PIF1: variants seen among roughly 807,000 people sequenced by gnomAD.
PIF1 encodes PIF1 5'-to-3' DNA helicase.
Under a neutral mutation model 62.3 loss-of-function variants are expected in PIF1, and 67 were observed. The ratio of observed to expected loss-of-function variants is 1.08; its 90% confidence interval spans 0.88 to 1.32. The LOEUF is 1.32. Among genes scored for constraint, PIF1 ranks in the 40% most tolerant of loss-of-function variants. The pLI is 0.00. For missense variants in PIF1, 886 were observed against 866.1 expected (o/e 1.02, Z -0.29); for synonymous variants, 364 against 379.5 (o/e 0.96, Z 0.47).
Position 64,815,692 on chromosome 15 carries a change from C to G in PIF1, c.*606G>C, listed in dbSNP as rs1201572505. On this transcript the variant is annotated 3_prime_UTR_variant, in exon 13 of 13. Transcript: ENST00000559239. ...AAATACAACCTGAGAACATCCATTT[C>G]AATGTCCCCAAACACTATTTATCCC... 6.5e-7 allele frequency: 1 copy of G among 1,545,642 alleles called. No individual in the cohort carries two copies. Among genetic ancestry groups the G allele is most frequent in the Admixed American group, 2.0e-5 (1 of 49,974 alleles).
chr15:64,826,707 CA>C (rs1567090408), upstream of PIF1, among the ~76,000 whole-genome samples: 1 of 139,946 alleles, frequency 7.1e-6, no homozygotes, highest in African/African-American at 2.7e-5. Flanking sequence ...TATATACACA[CA>C]CATATATATA....
At chr15:64,824,881 G>GTA (rs1355544236) in intron 1 of PIF1, among the ~76,000 whole-genome samples, 6,684 of 146,824 alleles carry the variant, frequency 0.046, 481 homozygotes, top group South Asian at 0.17. Context: ...GTGTGTGTGT[G>GTA]TGTATATATA....
rs747322869 is a variant in PIF1 at position 64,817,937 on chromosome 15, G to T, written c.1674+9C>A. On this transcript the variant is annotated intron_variant, in intron 11 of 12. Transcript: ENST00000559239. Reference sequence around the variant, plus strand: ...CCTCCCTGTCCCTGCCCCCCACACCGGTGCTCACTTGGCTCTTGTGGATGG... The same window carrying T: ...CCTCCCTGTCCCTGCCCCCCACACCTGTGCTCACTTGGCTCTTGTGGATGG... 20 of 1,606,540 alleles carry T rather than the reference G, an allele frequency of 1.2e-5. No individual in the cohort carries two copies. The highest frequency in any genetic ancestry group is 1.6e-5 in the Non-Finnish European group (19 of 1,176,552).
At chr15:64,825,519 G>C (rs977853475) in intron 1 of PIF1, 50 bp downstream of exon 1, 1 of 152,030 alleles carries the variant, frequency 6.6e-6, no homozygotes, top group African/African-American at 2.4e-5. Context: ...CCATTTGTTT[G>C]CACCCTCCCG....
At position 64,824,055 on chromosome 15, in the gene PIF1, T is replaced by A; in HGVS notation, c.281A>T (p.Asp94Val). The A allele has an allele frequency of 7.9e-7, 1 of 1,263,392 alleles. No homozygotes were observed. Among genetic ancestry groups the A allele is most frequent in the Non-Finnish European group, 9.9e-7 (1 of 1,005,896 alleles). 78.3% of individuals were successfully genotyped at this position (1,263,392 alleles called of 1,614,324 possible). ...GRSTLRLPAH[D>V]TPGAGAVQLL... is the part of the protein sequence containing the mutation. ...CTGCACTGCGCCGGCCCCGGGGGTG[T>A]CGTGGGCGGGGAGCCGCAGGGTGCT... Residue 94 changes from aspartate to valine, a missense_variant, in exon 2 of 13, where the codon GAC becomes GTC. By Grantham distance (152) the Asp-to-Val change is radical. Transcript: ENST00000559239.
chr15:64,820,971 G>A lies in PIF1; in HGVS notation c.1193+11C>T. On this transcript the variant is annotated intron_variant, in intron 7 of 12. Coordinates refer to ENST00000559239, the MANE Select transcript of PIF1 (RefSeq NM_001286496.2). Reference sequence around the variant, plus strand: ...CATCCCATAGCCCCTTCCCCAACCAGCAGAGCTCACCTGCCTAGCCTCACG... The same window carrying A: ...CATCCCATAGCCCCTTCCCCAACCAACAGAGCTCACCTGCCTAGCCTCACG... 6.2e-7 allele frequency: 1 copy of A among 1,611,356 alleles called. No individual in the cohort carries two copies. Among genetic ancestry groups the A allele is most frequent in the Non-Finnish European group, 8.5e-7 (1 of 1,178,096 alleles).
rs369779080 is a variant in PIF1, at chr15:64,818,379, C to A, written c.1441-35G>T. ...AGAGAGAGGAATGGACAGCAGCCCC[C>A]CTACCCATGCCTGGTCTTAGCTTCG... is the stretch of plus-strand genomic sequence containing the variant. On this transcript the variant is annotated intron_variant, in intron 9 of 12. Coordinates refer to ENST00000559239, the MANE Select transcript of PIF1 (RefSeq NM_001286496.2). The A allele has an allele frequency of 5.0e-6, 8 of 1,598,522 alleles. No homozygotes were observed. The Admixed American group carries it at 6.7e-5, about 13-fold the overall frequency.
In PIF1 at chr15:64,816,153, C is replaced by G; in HGVS notation, c.*145G>C. 6.7e-7 allele frequency: 1 copy of G among 1,496,092 alleles called. No individual in the cohort carries two copies. The highest frequency in any genetic ancestry group is 8.9e-7 in the Non-Finnish European group (1 of 1,127,532). The allele number at this position is 1,496,092 out of a possible 1,614,324, so 92.7% of individuals were successfully genotyped here. ...GGTTTAAAGTACTCTCCCTTTAACC[C>G]TGCCAGGAGGCTGAGAGTCCCTAAA... On this transcript the variant is annotated 3_prime_UTR_variant, in exon 13 of 13. Coordinates refer to ENST00000559239, the MANE Select transcript of PIF1 (RefSeq NM_001286496.2).
chr15:64,822,750 T>G lies in PIF1; in HGVS notation c.559-140A>C, dbSNP rs140590640. On this transcript the variant is annotated intron_variant, in intron 2 of 12. Transcript: ENST00000559239. ...ATTCCATGGAGCTCTTGGGTTTGCC[T>G]GGAGAGCTTGCCAGCAACTATTGGG... 7.1e-4 allele frequency: 921 copies of G among 1,302,834 alleles called. 3 individuals carry two copies. The African/African-American group carries it at 0.013, about 18-fold the overall frequency. The allele number at this position is 1,302,834 out of a possible 1,614,324, so 80.7% of individuals were successfully genotyped here. A position where few individuals can be genotyped will look rare whatever the true frequency, so the allele number is the denominator to read the frequency against.
intron 4 of PIF1, chr15:64,821,769 T>C (rs2084293675): frequency 9.1e-6 from 4 of 440,962 alleles, no homozygotes; most frequent in Non-Finnish European, 1.6e-5. Context: ...AGATGGAGTC[T>C]CGCTGTGTCG....
At chr15:64,816,875 C>T (rs990569209) in intron 11 of PIF1, 110 bp from the exon 12 acceptor site, 1 of 1,029,518 alleles carries the variant, frequency 9.7e-7, no homozygotes, top group Non-Finnish European at 1.4e-6. Flanking sequence ...CTCGTCCAGT[C>T]CAGAGAGTCT....
At chr15:64,820,897 CT>C in intron 7 of PIF1, 84 bp downstream of exon 7, 1 of 1,247,578 alleles carries the variant, frequency 8.0e-7, no homozygotes. Context: ...AATTCTACCC[CT>C]TCTGTGAGTC....
chr15:64,822,135 A>G (rs2084298552), intron 4 of PIF1, 131 bp downstream of exon 4: 6 of 1,245,572 alleles, frequency 4.8e-6, no homozygotes, highest in Admixed American at 2.4e-5. Context: ...TTGGCCTCCT[A>G]AAGTTTTGGG....
chr15:64,822,379 G>T lies in PIF1; in HGVS notation c.704C>A (p.Ser235Ter), dbSNP rs753359912. The change falls in exon 4 of 13, where the codon TCA becomes TAA. Residue 235 changes from serine (S) to a stop codon, truncating the protein, a stop_gained. Coordinates refer to ENST00000559239, the MANE Select transcript of PIF1 (RefSeq NM_001286496.2). LOFTEE classifies it high-confidence loss of function. ...GCCCAGGATTCGCTTTAGCAGATAT[G>T]ACTTCCCTGTTCCTGGACAGGGGCA... ...FFTGSAGTGK[S>*]YLLKRILGSL... The T allele has an allele frequency of 5.6e-6, 9 of 1,613,994 alleles. No individual in the cohort carries two copies. Among genetic ancestry groups the T allele is most frequent in the Non-Finnish European group, 6.8e-6 (8 of 1,180,010 alleles).
chr15:64,819,713 G>T, intron 8 of PIF1, 134 bp downstream of exon 8: 1 of 1,192,236 alleles, frequency 8.4e-7, no homozygotes, highest in South Asian at 1.4e-5. Context: ...AGTCACAGTT[G>T]CATTTGCAAA....
upstream of PIF1, among the ~76,000 whole-genome samples, chr15:64,826,624 T>TTTTATATATA (rs1256310883): frequency 2.8e-5 from 1 of 36,054 alleles, no homozygotes; most frequent in African/African-American, 1.0e-4. Context: ...CCCAGCTAAT[T>TTTTATATATA]TATATATATA....
intron 1 of PIF1, among the ~76,000 whole-genome samples, chr15:64,824,998 TAC>T (rs534129428): frequency 8.9e-4 from 131 of 146,582 alleles, no homozygotes; most frequent in South Asian, 5.3e-3. Flanking sequence ...TCTATATATA[TAC>T]ACACACACAC....
In PIF1 at chr15:64,822,324, A is replaced by C. The variant is rs749318849; in HGVS notation, c.759T>G (p.Thr253=). 1 of 1,613,396 alleles carries C rather than the reference A, an allele frequency of 6.2e-7. No homozygotes were observed. Among genetic ancestry groups the C allele is most frequent in the East Asian group, 2.2e-5 (1 of 44,876 alleles). Residue 253 remains threonine (T), a synonymous_variant, in exon 4 of 13, where the codon ACT becomes ACG. Coordinates refer to ENST00000559239, the MANE Select transcript of PIF1 (RefSeq NM_001286496.2). ...GGCAGGCTGCCACCCCAGTGCTGGC[A>C]GTGGCCACAGTGCCTGTGGGGGGCA... ...GSLPPTGTVA[T]ASTGVAACHI...
chr15:64,821,563 CTCTTTT>C (rs2084289339), intron 4 of PIF1, 43 bp from the exon 5 acceptor site: 21 of 1,333,134 alleles, frequency 1.6e-5, no homozygotes, highest in Non-Finnish European at 2.0e-5. Context: ...CCCAAAGCCT[CTCTTTT>C]TTTTTTTTTT....
Sources: allele counts gnomAD v4.1 joint callset (sites outside exome capture counted in the v4.1 genomes callset), GRCh38; gene constraint gnomAD v4.1.1; transcripts MANE v1.5; gene names NCBI Gene and HGNC (gene_info 2026-07-23, HGNC 2026-07-21).